The following RIMS2 variants were observed in gnomAD, a reference collection of about 807,000 sequenced individuals.
RIMS2 encodes the protein regulating synaptic membrane exocytosis 2, also known as regulating synaptic membrane exocytosis protein 2.
RIMS2 carries 59 observed loss-of-function variants against 174.4 expected under a neutral mutation model. That is an observed-to-expected ratio of 0.34 (90% CI 0.27 to 0.42). RIMS2 has a LOEUF of 0.42. Ranked by LOEUF, RIMS2 falls within the 10% of genes least tolerant of loss-of-function variation. The probability of loss-of-function intolerance (pLI) is 1.00; values close to 1 mark genes in which losing one functional copy is unlikely to be tolerated. For missense variants in RIMS2, 1,620 were observed against 1,666.3 expected (o/e 0.97, Z 0.48); for synonymous variants, 606 against 572.5 (o/e 1.06, Z -0.84).
At chr8:103,819,727 T>A in intron 3 of RIMS2, 1 of 862,508 alleles carries the variant, frequency 1.2e-6, no homozygotes, top group Non-Finnish European at 1.8e-6. Context: ...GCTAGTGTTA[T>A]AAAGGTGTTA....
At chr8:103,513,627 T>G (rs1236709634) in intron 1 of RIMS2, among the ~76,000 whole-genome samples, 1 of 152,196 alleles carries the variant, frequency 6.6e-6, no homozygotes, top group African/African-American at 2.4e-5. Flanking sequence ...AAATAATTTT[T>G]GTTTTCAGAG....
At chr8:103,944,776 T>C (rs1286515165) in intron 14 of RIMS2, among the ~76,000 whole-genome samples, 1 of 152,108 alleles carries the variant, frequency 6.6e-6, no homozygotes, top group Non-Finnish European at 1.5e-5. Context: ...ATGTCAGTCT[T>C]GTCACTATCA....
chr8:103,850,406 G>C (rs1024687516), intron 3 of RIMS2, among the ~76,000 whole-genome samples: 1 of 151,896 alleles, frequency 6.6e-6, no homozygotes, highest in Non-Finnish European at 1.5e-5. Flanking sequence ...CATGATCAGA[G>C]TCCCCAAGTC....
chr8:104,217,182 G>T (rs554202852), intron 19 of RIMS2, among the ~76,000 whole-genome samples: 2 of 152,020 alleles, frequency 1.3e-5, no homozygotes, highest in East Asian at 3.9e-4. Flanking sequence ...AACTTCCATG[G>T]ATATATTAGC....
intron 19 of RIMS2, among the ~76,000 whole-genome samples, chr8:104,029,491 A>G (rs1009289104): frequency 3.3e-5 from 5 of 152,138 alleles, no homozygotes; most frequent in African/African-American, 1.2e-4. Context: ...TTTTCTATCA[A>G]TCATTGATAG....
intron 1 of RIMS2, among the ~76,000 whole-genome samples, chr8:103,611,237 C>G (rs1425618402): frequency 1.3e-5 from 2 of 151,888 alleles, no homozygotes; most frequent in Non-Finnish European, 2.9e-5. Flanking sequence ...TGTTTTAAAA[C>G]TTTTTGTTGT....
chr8:104,243,340 GAA>G (rs2139968512), intron 19 of RIMS2, among the ~76,000 whole-genome samples: 1 of 152,270 alleles, frequency 6.6e-6, no homozygotes, highest in East Asian at 1.9e-4. Flanking sequence ...GAGACTTGGT[GAA>G]AAGAGATTTC....
intron 19 of RIMS2, among the ~76,000 whole-genome samples, chr8:104,164,469 AT>A (rs768261350): frequency 2.0e-5 from 3 of 152,362 alleles, no homozygotes; most frequent in East Asian, 1.9e-4. Context: ...TGTTTTAAAA[AT>A]AAAAATCATA....
At chr8:103,907,604 A>G (rs2074722385) in intron 4 of RIMS2, among the ~76,000 whole-genome samples, 1 of 151,622 alleles carries the variant, frequency 6.6e-6, no homozygotes, top group Admixed American at 6.6e-5. Context: ...GTTAGAATTC[A>G]GTTTGGATTC....
At chr8:104,052,373 A>G (rs1413824586) in intron 19 of RIMS2, among the ~76,000 whole-genome samples, 3 of 152,186 alleles carry the variant, frequency 2.0e-5, no homozygotes, top group African/African-American at 7.2e-5. Flanking sequence ...ACACATCCCA[A>G]GCAACTAAGA....
rs1017078871 is a variant in RIMS2, at chr8:103,909,785, A to G, written c.1625-349A>G. ...CACAGGAGTAAAAAAAATATATGGC[A>G]TGAATAACAGTCATAGCTAATAGTC... On this transcript the variant is annotated intron_variant, in intron 4 of 23. Transcript: ENST00000504942. 2.6e-5 allele frequency among the ~76,000 whole-genome samples: 4 copies of G among 152,182 alleles called. 1 individual carries two copies. The South Asian group carries it at 8.3e-4, about 32-fold the overall frequency.
intron 15 of RIMS2, among the ~76,000 whole-genome samples, chr8:103,965,690 G>A (rs184234951): frequency 2.6e-4 from 40 of 152,136 alleles, no homozygotes; most frequent in Non-Finnish European, 1.6e-4. Flanking sequence ...AATACAAGTG[G>A]TGAGAGTGGA....
chr8:103,706,074 A>G (rs552164296), intron 2 of RIMS2, among the ~76,000 whole-genome samples: 1 of 151,534 alleles, frequency 6.6e-6, no homozygotes, highest in East Asian at 1.9e-4. Flanking sequence ...TGGACCTATT[A>G]TAGGTATTTC....
At chr8:104,094,485 G>GA (rs1489039666) in intron 19 of RIMS2, 1 of 636,522 alleles carries the variant, frequency 1.6e-6, no homozygotes, top group Admixed American at 2.4e-5. Flanking sequence ...AAGACCAAAG[G>GA]GAATAGAAGA....
intron 1 of RIMS2, among the ~76,000 whole-genome samples, chr8:103,599,417 T>A (rs2094607196): frequency 6.8e-6 from 1 of 147,732 alleles, no homozygotes; most frequent in African/African-American, 2.5e-5. Flanking sequence ...TTTTAATATA[T>A]AAATAAATAT....
At chr8:104,069,115 A>C (rs183866345) in intron 19 of RIMS2, among the ~76,000 whole-genome samples, 1 of 152,330 alleles carries the variant, frequency 6.6e-6, no homozygotes, top group Non-Finnish European at 1.5e-5. Context: ...TCTGTTTTTC[A>C]CTTTCAGTAT....
At chr8:103,600,878 G>C (rs1326615571) in intron 1 of RIMS2, among the ~76,000 whole-genome samples, 4 of 151,950 alleles carry the variant, frequency 2.6e-5, no homozygotes, top group African/African-American at 9.7e-5. Flanking sequence ...CTGCCTTTTG[G>C]ATATAAGCCA....
chr8:103,886,234 T>G lies in RIMS2; in HGVS notation c.1624+11T>G. 1 of 1,590,072 alleles carries G rather than the reference T, an allele frequency of 6.3e-7. No homozygotes were observed. Among genetic ancestry groups the G allele is most frequent in the Non-Finnish European group, 8.5e-7 (1 of 1,169,978 alleles). The stretch of plus-strand genomic sequence containing the variant: ...GTGTAAGTGAAAAAGGTAAGCTTTC[T>G]AATCATACATTTTGCTGTAATTGAT... On this transcript the variant is annotated intron_variant, in intron 4 of 23. Coordinates refer to ENST00000504942, the Ensembl canonical transcript of RIMS2.
intron 2 of RIMS2, among the ~76,000 whole-genome samples, chr8:103,759,062 G>A (rs2098072665): frequency 6.6e-6 from 1 of 152,150 alleles, no homozygotes; most frequent in South Asian, 2.1e-4. Context: ...AAGAAGACAG[G>A]TGAGGCCAGT....
Sources: gnomAD v4.1 joint callset for allele counts (sites outside exome capture counted in the v4.1 genomes callset) on GRCh38, gnomAD v4.1.1 for gene constraint, MANE v1.5 for transcripts, NCBI Gene and HGNC (gene_info 2026-07-23, HGNC 2026-07-21) for gene names.